CUBN: variants seen among roughly 807,000 people sequenced by gnomAD.
The protein encoded by CUBN is cubilin.
Under a neutral mutation model 405.3 loss-of-function variants are expected in CUBN, and 282 were observed. The ratio of observed to expected loss-of-function variants is 0.70; its 90% confidence interval spans 0.63 to 0.77. CUBN has a LOEUF of 0.77. Ranked by LOEUF, CUBN falls within the 30% of genes least tolerant of loss-of-function variation. The pLI, the probability that CUBN is intolerant of heterozygous loss-of-function variation, is 0.00. For synonymous variants in CUBN, 1,684 were observed against 1,617.0 expected (o/e 1.04, Z -0.99); for missense variants, 4,514 against 4,475.2 (o/e 1.01, Z -0.25).
intron 52 of CUBN, 111 bp from the exon 53 acceptor site, chr10:16,900,961 G>T: frequency 1.2e-6 from 1 of 849,724 alleles, no homozygotes. Context: ...TTGTATTTTT[G>T]TCTCTTATTT....
intron 27 of CUBN, among the ~76,000 whole-genome samples, chr10:17,023,047 C>T (rs750832277): frequency 6.6e-6 from 1 of 152,190 alleles, no homozygotes; most frequent in Non-Finnish European, 1.5e-5. Flanking sequence ...TTTTGCCTGT[C>T]AGCTCTGCAA....
chr10:17,073,487 C>T (rs1835784561), intron 17 of CUBN, among the ~76,000 whole-genome samples: 1 of 143,632 alleles, frequency 7.0e-6, no homozygotes, highest in African/African-American at 2.5e-5. Context: ...GCTCTTGTCA[C>T]CCAGGCTGGA....
chr10:16,892,545 G>C (rs998220611), intron 54 of CUBN, among the ~76,000 whole-genome samples: 1 of 151,892 alleles, frequency 6.6e-6, no homozygotes, highest in Admixed American at 6.6e-5. Flanking sequence ...AGGCTGGAGC[G>C]CAGTGGCACA....
rs777865312 is a variant in CUBN, at chr10:16,925,783, A to G, written c.6272-9T>C. The stretch of plus-strand genomic sequence containing the variant: ...CAAATATCCACCGCAGCCTTCCCAC[A>G]AAGAAACAAAGGTCGGTTATTTAAA... On this transcript the variant is annotated splice_polypyrimidine_tract_variant and intron_variant, in intron 41 of 66. Coordinates refer to ENST00000377833, the MANE Select transcript of CUBN (RefSeq NM_001081.4). 3.1e-6 allele frequency: 5 copies of G among 1,613,400 alleles called. No individual in the cohort carries two copies. Among genetic ancestry groups the G allele is most frequent in the Non-Finnish European group, 4.2e-6 (5 of 1,179,396 alleles).
intron 12 of CUBN, among the ~76,000 whole-genome samples, chr10:17,103,904 C>T (rs958620947): frequency 5.9e-5 from 9 of 151,770 alleles, no homozygotes; most frequent in East Asian, 1.9e-4. Flanking sequence ...GGTCCGGTGA[C>T]GAAAGAAAAC....
chr10:16,836,322 A>G lies in CUBN; in HGVS notation c.10093T>C (p.Tyr3365His). The stretch of plus-strand genomic sequence containing the variant: ...ACCATTGCAGTACTCATAGAAGAAT[A>G]AAACACTGGCACAGCCGAAGCATTT... ...GRNASAVPVF[Y>H]SSMSTAMVIF... is the part of the protein sequence containing the mutation. Residue 3365 changes from tyrosine (Y) to histidine (H), a missense_variant, in exon 63 of 67, where the codon TAT becomes CAT. Physicochemically the swap from Tyr to His is moderately conservative, Grantham distance 83 (BLOSUM62 2). Around this residue, in one of 5 missense-constraint regions of CUBN, gnomAD observed 1,186 missense variants for 1,186.9 expected, o/e 1.00. Transcript: ENST00000377833. 6.2e-7 allele frequency: 1 copy of G among 1,613,936 alleles called. No individual in the cohort carries two copies. The highest frequency in any genetic ancestry group is 8.5e-7 in the Non-Finnish European group (1 of 1,179,774).
chr10:16,844,722 G>A (rs548877750), intron 60 of CUBN, among the ~76,000 whole-genome samples: 2 of 152,298 alleles, frequency 1.3e-5, no homozygotes, highest in South Asian at 4.1e-4. Context: ...AAACTCCTCT[G>A]CCTCAAACCC....
In CUBN at chr10:16,952,377, T is replaced by C. The variant is rs1285334801; in HGVS notation, c.4868A>G (p.His1623Arg). Residue 1623 changes from histidine (H) to arginine (R), a missense_variant, in exon 33 of 67, where the codon CAC becomes CGC. By Grantham distance (29) the His-to-Arg change is conservative. This residue lies in a region of CUBN where 1,613 missense variants were observed against 1,542.8 expected (regional missense o/e 1.05). Coordinates refer to ENST00000377833, the MANE Select transcript of CUBN (RefSeq NM_001081.4). ...RAQFRQACGGHILTSSFDTVS... is the reference protein window; with the variant it reads ...RAQFRQACGGRILTSSFDTVS... ...AGTATCAAATGAGCTGGTGAGGATGTGGCCTCCGCAGGCTGGGGAACACAC... is the reference window on the plus strand; with the variant it reads ...AGTATCAAATGAGCTGGTGAGGATGCGGCCTCCGCAGGCTGGGGAACACAC... 7.4e-6 allele frequency: 12 copies of C among 1,611,242 alleles called. No homozygotes were observed. The highest frequency in any genetic ancestry group is 1.0e-5 in the Non-Finnish European group (12 of 1,177,516).
chr10:17,015,459 G>A (rs1254867306), intron 28 of CUBN, among the ~76,000 whole-genome samples: 2 of 152,196 alleles, frequency 1.3e-5, no homozygotes, highest in Non-Finnish European at 2.9e-5. Context: ...AATTACAACT[G>A]AGGAGGTAGG....
At chr10:16,918,571 T>C (rs1481127805) in intron 45 of CUBN, 51 bp downstream of exon 45, 2 of 1,408,958 alleles carry the variant, frequency 1.4e-6, no homozygotes, top group Non-Finnish European at 2.0e-6. Context: ...ATATAACAAA[T>C]CTGCACATGT....
chr10:16,909,137 G>A (rs921715312), intron 48 of CUBN, among the ~76,000 whole-genome samples: 5 of 150,862 alleles, frequency 3.3e-5, no homozygotes, highest in Non-Finnish European at 5.9e-5. Context: ...CACCCGCCTC[G>A]GCCTCCCAAA....
At chr10:17,083,156 C>T (rs1304534058) in intron 17 of CUBN, among the ~76,000 whole-genome samples, 1 of 151,772 alleles carries the variant, frequency 6.6e-6, no homozygotes, top group Non-Finnish European at 1.5e-5. Context: ...TTTAGAAAAC[C>T]TAAATTGAAT....
intron 40 of CUBN, among the ~76,000 whole-genome samples, chr10:16,932,618 G>T (rs749864929): frequency 2.0e-5 from 3 of 152,086 alleles, no homozygotes; most frequent in African/African-American, 7.2e-5. Flanking sequence ...TAGAGACAGG[G>T]TCTCATTCTG....
chr10:17,129,796 G>T lies in CUBN; in HGVS notation c.-31C>A, dbSNP rs1837277904. The T allele has an allele frequency of 6.2e-7, 1 of 1,612,762 alleles. No individual in the cohort carries two copies. Among genetic ancestry groups the T allele is most frequent in the Non-Finnish European group, 8.5e-7 (1 of 1,179,052 alleles). On this transcript the variant is annotated 5_prime_UTR_variant, in exon 1 of 67. Coordinates refer to ENST00000377833, the MANE Select transcript of CUBN (RefSeq NM_001081.4). Reference sequence around the variant, plus strand: ...TCCCAGGTTGGCAGGTAAGAGTGAGGCCACTCCAACCAACTGAGCATGGGA... The same window carrying T: ...TCCCAGGTTGGCAGGTAAGAGTGAGTCCACTCCAACCAACTGAGCATGGGA...
chr10:17,052,717 G>T (rs1835297652), intron 22 of CUBN, among the ~76,000 whole-genome samples: 1 of 132,764 alleles, frequency 7.5e-6, no homozygotes, highest in Admixed American at 8.4e-5. Flanking sequence ...CTGGGAGCTT[G>T]CCACTGCACT....
chr10:16,999,704 T>C (rs1833827299), intron 28 of CUBN, among the ~76,000 whole-genome samples: 1 of 152,176 alleles, frequency 6.6e-6, no homozygotes, highest in South Asian at 2.1e-4. Context: ...AGAGAAAACA[T>C]GTTCTCTGTA....
intron 39 of CUBN, among the ~76,000 whole-genome samples, chr10:16,934,238 T>C (rs2131596546): frequency 6.6e-6 from 1 of 152,356 alleles, no homozygotes; most frequent in East Asian, 1.9e-4. Context: ...CAGATTGCTA[T>C]AAGGCTTTGG....
intron 31 of CUBN, among the ~76,000 whole-genome samples, chr10:16,969,443 C>T (rs1843492324): frequency 6.6e-6 from 1 of 152,108 alleles, no homozygotes. Flanking sequence ...CAGCCTCCGC[C>T]TCCGGGGTTC....
intron 31 of CUBN, among the ~76,000 whole-genome samples, chr10:16,965,283 GCTTT>G (rs1843356603): frequency 6.6e-6 from 1 of 152,138 alleles, no homozygotes; most frequent in African/African-American, 2.4e-5. Flanking sequence ...CACAGCGTGC[GCTTT>G]CTAAAATGTA....
Sources: gnomAD v4.1 joint callset for allele counts (sites outside exome capture counted in the v4.1 genomes callset) on GRCh38, gnomAD v4.1.1 for gene constraint, gnomAD v4.1.1 regional missense constraint, MANE v1.5 for transcripts, NCBI Gene and HGNC (gene_info 2026-07-23, HGNC 2026-07-21) for gene names.